Variants in RUFY3 observed in about 807,000 individuals in gnomAD.
RUFY3 encodes the protein RUN and FYVE domain containing 3.
RUFY3 carries 34 observed loss-of-function variants against 84.0 expected under a neutral mutation model. The observed-to-expected ratio is 0.40, with a 90% CI of 0.31 to 0.54. The LOEUF is 0.54. Among genes scored for constraint, RUFY3 ranks in the 20% least tolerant of loss-of-function variants. RUFY3 has a pLI of 0.39. For missense variants in RUFY3, 507 were observed against 736.8 expected (o/e 0.69, Z 3.61); for synonymous variants, 242 against 252.9 (o/e 0.96, Z 0.41).
intron 1 of RUFY3, among the ~76,000 whole-genome samples, chr4:70,732,280 A>G (rs924021500): frequency 6.6e-6 from 1 of 152,228 alleles, no homozygotes; most frequent in African/African-American, 2.4e-5. Context: ...CTGAAATTAT[A>G]TAGAAAGTTC....
intron 8 of RUFY3, among the ~76,000 whole-genome samples, chr4:70,781,616 G>A (rs895343891): frequency 1.3e-5 from 2 of 152,220 alleles, no homozygotes; most frequent in Non-Finnish European, 2.9e-5. Flanking sequence ...CTGCCTGAGG[G>A]CATACTTGAA....
chr4:70,770,220 G>A (rs1316231420), intron 5 of RUFY3, among the ~76,000 whole-genome samples: 3 of 152,190 alleles, frequency 2.0e-5, no homozygotes. Flanking sequence ...CTTCAACTTA[G>A]AGTCACCAGC....
At chr4:70,704,807 G>T in exon 1 of RUFY3, 2 of 588,150 alleles carry the variant, frequency 3.4e-6, no homozygotes, top group South Asian at 1.6e-4. Context: ...GCCCGTGGCC[G>T]AGAAGAAAGG....
At chr4:70,785,734 G>A (rs768767983) in intron 10 of RUFY3, among the ~76,000 whole-genome samples, 1 of 152,044 alleles carries the variant, frequency 6.6e-6, no homozygotes, top group Non-Finnish European at 1.5e-5. Flanking sequence ...CTACTTGGGA[G>A]GCTGACCAGG....
intron 12 of RUFY3, chr4:70,791,415 A>C: frequency 2.1e-6 from 3 of 1,436,638 alleles, no homozygotes; most frequent in Non-Finnish European, 2.7e-6. Flanking sequence ...CAAAAAGTTG[A>C]CTTTGAATTT....
At chr4:70,806,401 A>G in intron 17 of RUFY3, 115 bp from the exon 18 acceptor site, 2 of 1,192,838 alleles carry the variant, frequency 1.7e-6, no homozygotes, top group Non-Finnish European at 2.4e-6. Flanking sequence ...CATAGTAAAC[A>G]TTCAGTCATT....
intron 12 of RUFY3, chr4:70,792,359 A>G (rs914294884): frequency 4.2e-6 from 4 of 962,262 alleles, no homozygotes; most frequent in Admixed American, 6.2e-5. Flanking sequence ...GAAGTAAATG[A>G]TAAACTTATA....
At chr4:70,798,659 A>G (rs1292608324) in intron 14 of RUFY3, among the ~76,000 whole-genome samples, 4 of 152,060 alleles carry the variant, frequency 2.6e-5, no homozygotes, top group Admixed American at 6.6e-5. Flanking sequence ...GCGTGCACCT[A>G]TAATCCCAGC....
At chr4:70,800,953 G>A (rs1732151575) in intron 15 of RUFY3, among the ~76,000 whole-genome samples, 1 of 152,010 alleles carries the variant, frequency 6.6e-6, no homozygotes, top group African/African-American at 2.4e-5. Flanking sequence ...CCTTTATCTT[G>A]AGAATCTCAA....
chr4:70,764,231 C>CAG (rs968876010), intron 3 of RUFY3, among the ~76,000 whole-genome samples: 1 of 152,194 alleles, frequency 6.6e-6, no homozygotes, highest in Non-Finnish European at 1.5e-5. Context: ...TTGGGTCTCC[C>CAG]AGAGGCTGTG....
At chr4:70,787,214 A>ATATAT (rs757534627) in intron 10 of RUFY3, among the ~76,000 whole-genome samples, 123 of 131,602 alleles carry the variant, frequency 9.3e-4, no homozygotes, top group Middle Eastern at 4.3e-3. Flanking sequence ...ATATATATAT[A>ATATAT]AAAACAAATT....
rs1268931024 is a variant in RUFY3, at chr4:70,808,212, T to TTTGA, written c.*1557_*1560dup. ...TGGAATTTTTCTTTTTCTGAATATTTTTGATTGGCAGTTGGTTGAAGCCAT... is the reference window on the plus strand; with the variant it reads ...TGGAATTTTTCTTTTTCTGAATATTTTTGATTGATTGGCAGTTGGTTGAAGCCAT... On this transcript the variant is annotated 3_prime_UTR_variant, in exon 18 of 18. Coordinates refer to ENST00000381006, the MANE Select transcript of RUFY3 (RefSeq NM_001037442.4). 2.0e-5 allele frequency among the ~76,000 whole-genome samples: 3 copies of TTTGA among 152,164 alleles called. No homozygotes were observed. The highest frequency in any genetic ancestry group is 1.3e-4 in the Admixed American group (2 of 15,280).
intron 14 of RUFY3, among the ~76,000 whole-genome samples, chr4:70,796,190 C>G (rs960736189): frequency 3.3e-5 from 5 of 152,122 alleles, no homozygotes; most frequent in Admixed American, 2.6e-4. Flanking sequence ...CAGAGCAACA[C>G]TCTGTCCCCA....
chr4:70,794,777 C>T lies in RUFY3; in HGVS notation c.1458-18C>T. On this transcript the variant is annotated intron_variant, in intron 13 of 17. Transcript: ENST00000381006. ...AGAATTCCAATTTTTCATCCTTTTC[C>T]TCTCCAACTTACCTCAGGAACCAGC... 1.9e-6 allele frequency: 3 copies of T among 1,546,320 alleles called. No homozygotes were observed. Among genetic ancestry groups the T allele is most frequent in the Non-Finnish European group, 2.7e-6 (3 of 1,120,372 alleles).
intron 4 of RUFY3, among the ~76,000 whole-genome samples, chr4:70,766,130 T>C (rs1358978994): frequency 1.3e-5 from 2 of 152,158 alleles, no homozygotes; most frequent in Admixed American, 6.5e-5. Context: ...TTAACAGTGA[T>C]TGAGGTTGAC....
Position 70,773,525 on chromosome 4 carries a change from T to C in RUFY3, c.711T>C (p.Asp237=), listed in dbSNP as rs1727331988. 6.2e-7 allele frequency: 1 copy of C among 1,610,676 alleles called. No homozygotes were observed. The highest frequency in any genetic ancestry group is 8.5e-7 in the Non-Finnish European group (1 of 1,177,038). ...EDLDSQVGVI[D]FSMYLKDGNS... is the part of the protein sequence containing the mutation. ...TCTCTCTGTAGGTTGGAGTTATAGA[T>C]TTTTCAATGTATCTCAAGGACGGGA... Residue 237 remains aspartate, a synonymous_variant, in exon 6 of 18, where the codon GAT becomes GAC. Transcript: ENST00000381006.
chr4:70,791,116 CTT>C (rs1491308576), intron 12 of RUFY3: 8 of 843,030 alleles, frequency 9.5e-6, no homozygotes, highest in Non-Finnish European at 1.5e-5. Context: ...AGAATAATGA[CTT>C]ATCTCTTTGA....
intron 5 of RUFY3, among the ~76,000 whole-genome samples, chr4:70,771,859 C>A (rs1360268806): frequency 2.6e-5 from 4 of 151,860 alleles, no homozygotes; most frequent in African/African-American, 9.7e-5. Flanking sequence ...TGTATTCTTA[C>A]AATAAAGTAA....
chr4:70,798,046 A>T lies in RUFY3; in HGVS notation c.1558-2095A>T, dbSNP rs115643149. 3.6e-3 allele frequency among the ~76,000 whole-genome samples: 548 copies of T among 151,790 alleles called. 1 individual carries two copies. The highest frequency in any genetic ancestry group is 1.0e-2 in the African/African-American group (413 of 41,398). ...GGCATTTCCAGGAGGATAAGTATTG[A>T]CCTCTCTTCCTTGATTCTTGAGTGG... On this transcript the variant is annotated intron_variant, in intron 14 of 17. Coordinates refer to ENST00000381006, the MANE Select transcript of RUFY3 (RefSeq NM_001037442.4).
Sources: gnomAD v4.1 joint callset for allele counts (sites outside exome capture counted in the v4.1 genomes callset) on GRCh38, gnomAD v4.1.1 for gene constraint, MANE v1.5 for transcripts, NCBI Gene and HGNC (gene_info 2026-07-23, HGNC 2026-07-21) for gene names.